Variants in EPHA6 observed in about 807,000 individuals in gnomAD.
EPHA6 encodes the protein ephrin type-A receptor 6.
A neutral mutation model predicts 112.0 loss-of-function variants in EPHA6; 50 were observed. That is an observed-to-expected ratio of 0.45 (90% CI 0.36 to 0.56). EPHA6 has a LOEUF of 0.56. EPHA6 is among the 20% of genes least tolerant of loss of function. The pLI is 0.00. For missense variants in EPHA6, 1,280 were observed against 1,417.4 expected, an observed-to-expected ratio of 0.90 and a Z score of 1.56; for synonymous variants, 529 against 490.7, an observed-to-expected ratio of 1.08 and a Z score of -1.03.
chr3:97,666,294 G>A (rs2030099091), intron 14 of EPHA6, among the ~76,000 whole-genome samples: 2 of 152,228 alleles, frequency 1.3e-5, no homozygotes, highest in South Asian at 2.1e-4. Context: ...TGCTTTTATT[G>A]TTATTTCTAT....
At chr3:97,319,677 A>G (rs922423324) in intron 5 of EPHA6, among the ~76,000 whole-genome samples, 1 of 151,140 alleles carries the variant, frequency 6.6e-6, no homozygotes. Flanking sequence ...CAAAAAAAAA[A>G]AAACAAAAAA....
chr3:97,642,960 G>A (rs1365061896), intron 14 of EPHA6, among the ~76,000 whole-genome samples: 6 of 149,996 alleles, frequency 4.0e-5, no homozygotes, highest in East Asian at 2.0e-4. Flanking sequence ...GATACTCCTC[G>A]AGAAGAGCAA....
chr3:97,260,206 G>A (rs2079454900), intron 5 of EPHA6, among the ~76,000 whole-genome samples: 2 of 152,172 alleles, frequency 1.3e-5, no homozygotes, highest in African/African-American at 4.8e-5. Context: ...AATTCCTAGT[G>A]GAGCTTTACC....
intron 3 of EPHA6, among the ~76,000 whole-genome samples, chr3:97,097,644 G>GGAAGACCTTTT (rs1209243815): frequency 1.3e-5 from 2 of 151,606 alleles, no homozygotes; most frequent in Middle Eastern, 3.2e-3. Flanking sequence ...CTGCCAGATT[G>GGAAGACCTTTT]GAAGACCTTT....
intron 2 of EPHA6, among the ~76,000 whole-genome samples, chr3:96,959,433 A>G (rs761608196): frequency 6.6e-6 from 1 of 151,558 alleles, no homozygotes; most frequent in Non-Finnish European, 1.5e-5. Flanking sequence ...ATGAATAACA[A>G]TTTTTTTTTC....
At chr3:97,424,389 C>G (rs138089810) in intron 6 of EPHA6, among the ~76,000 whole-genome samples, 2 of 152,118 alleles carry the variant, frequency 1.3e-5, no homozygotes, top group South Asian at 4.1e-4. Flanking sequence ...ATCAATCATG[C>G]CTTCCCTACA....
chr3:96,954,879 C>A (rs566374913), intron 2 of EPHA6, among the ~76,000 whole-genome samples: 1 of 145,886 alleles, frequency 6.9e-6, no homozygotes, highest in Non-Finnish European at 1.5e-5. Context: ...CTGCAAGCTC[C>A]GCTTCCCGGG....
At chr3:97,622,560 A>G (rs1277317253) in intron 13 of EPHA6, among the ~76,000 whole-genome samples, 1 of 151,810 alleles carries the variant, frequency 6.6e-6, no homozygotes, top group African/African-American at 2.4e-5. Context: ...GTGAGAATAG[A>G]TGCACTTTGA....
At chr3:97,130,398 G>A (rs1452592838) in intron 3 of EPHA6, among the ~76,000 whole-genome samples, 1 of 148,846 alleles carries the variant, frequency 6.7e-6, no homozygotes, top group African/African-American at 2.4e-5. Context: ...AATTGGTTTG[G>A]TCATAATTCA....
intron 10 of EPHA6, among the ~76,000 whole-genome samples, chr3:97,524,379 C>G (rs1387453620): frequency 6.6e-6 from 1 of 152,020 alleles, no homozygotes; most frequent in Non-Finnish European, 1.5e-5. Flanking sequence ...TATTTCTCCT[C>G]CCTCACACAT....
rs113430253 is a variant in EPHA6, at chr3:97,211,605, A to C, written c.1115-14659A>C. Among the ~76,000 whole-genome samples, 585 of 152,264 alleles carry C rather than the reference A, an allele frequency of 3.8e-3. 4 individuals are homozygous for C. Among genetic ancestry groups the C allele is most frequent in the African/African-American group, 0.013 (534 of 41,548 alleles). On this transcript the variant is annotated intron_variant, in intron 3 of 17. Transcript: ENST00000389672. ...AGAGGTCTGGTTTCTTCATTCCCTT[A>C]TAAGGGCACTAATCCCATTTAGACT...
At chr3:97,481,164 A>T in intron 9 of EPHA6, 2 of 837,928 alleles carry the variant, frequency 2.4e-6, no homozygotes, top group Non-Finnish European at 4.0e-6. Flanking sequence ...AGATCACGCC[A>T]CTGCACTCCA....
At chr3:97,257,334 T>A (rs918502358) in intron 5 of EPHA6, among the ~76,000 whole-genome samples, 1 of 151,822 alleles carries the variant, frequency 6.6e-6, no homozygotes, top group African/African-American at 2.4e-5. Context: ...AAGGGTAAGC[T>A]GGGGAAAATA....
At chr3:97,136,790 C>A (rs2075780131) in intron 3 of EPHA6, among the ~76,000 whole-genome samples, 1 of 152,010 alleles carries the variant, frequency 6.6e-6, no homozygotes, top group Admixed American at 6.6e-5. Context: ...ATTAATTATC[C>A]AGCAAAACGA....
chr3:96,915,216 A>G (rs969858046), intron 2 of EPHA6, among the ~76,000 whole-genome samples: 14 of 152,010 alleles, frequency 9.2e-5, no homozygotes, highest in Non-Finnish European at 1.9e-4. Flanking sequence ...GGAAAATGTC[A>G]CAAATATTCA....
chr3:97,222,455 C>A (rs964216348), intron 3 of EPHA6, among the ~76,000 whole-genome samples: 1 of 152,012 alleles, frequency 6.6e-6, no homozygotes, highest in Non-Finnish European at 1.5e-5. Flanking sequence ...GCTCCTATAT[C>A]CAATTTATAT....
intron 3 of EPHA6, among the ~76,000 whole-genome samples, chr3:97,014,181 C>A (rs6764425): frequency 0.098 from 14,905 of 151,932 alleles, 2,128 homozygotes; most frequent in African/African-American, 0.31. Flanking sequence ...ATAAAAAGAG[C>A]GATAGATAGG....
intron 1 of EPHA6, among the ~76,000 whole-genome samples, chr3:96,821,452 A>G (rs2033247489): frequency 6.6e-6 from 1 of 151,836 alleles, no homozygotes. Context: ...ATAACTTCTT[A>G]TGGGCTATAC....
chr3:97,322,606 T>C (rs2082173131), intron 5 of EPHA6, among the ~76,000 whole-genome samples: 2 of 152,064 alleles, frequency 1.3e-5, no homozygotes. Context: ...CATTTATTAA[T>C]GAAACATTTT....
Sources: allele counts gnomAD v4.1 joint callset (sites outside exome capture counted in the v4.1 genomes callset), GRCh38; gene constraint gnomAD v4.1.1; transcripts MANE v1.5; gene names NCBI Gene and HGNC (gene_info 2026-07-23, HGNC 2026-07-21).